FGFR3: variants seen among roughly 807,000 people sequenced by gnomAD.
FGFR3 encodes FGFR-3.
FGFR3 carries 25 observed loss-of-function variants against 82.9 expected under a neutral mutation model. The ratio of observed to expected loss-of-function variants is 0.30; its 90% CI spans 0.22 to 0.42. The LOEUF (loss-of-function observed/expected upper bound fraction) is 0.42. Among genes scored for constraint, FGFR3 ranks in the 10% least tolerant of loss-of-function variants. FGFR3 has a pLI of 1.00. For missense variants in FGFR3, 1,026 were observed against 1,161.0 expected (o/e 0.88, Z 1.69); for synonymous variants, 620 against 516.0 (o/e 1.20, Z -2.73).
Position 1,799,543 on chromosome 4 carries a change from C to T in FGFR3, c.379+20C>T. On this transcript the variant is annotated intron_variant, in intron 3 of 17. Coordinates refer to ENST00000440486, the MANE Select transcript of FGFR3 (RefSeq NM_000142.5). Reference sequence around the variant, plus strand: ...TGACAGGTGAGCTCTGGGGCCACGCCAGCTACAGAAAGGAGCCGAGTGCCG... The same window carrying T: ...TGACAGGTGAGCTCTGGGGCCACGCTAGCTACAGAAAGGAGCCGAGTGCCG... 2 of 1,550,956 alleles carry T rather than the reference C, an allele frequency of 1.3e-6. No homozygotes were observed. Among genetic ancestry groups the T allele is most frequent in the East Asian group, 2.4e-5 (1 of 41,066 alleles).
intron 2 of FGFR3, among the ~76,000 whole-genome samples, chr4:1,794,854 C>T (rs968338965): frequency 1.3e-5 from 2 of 151,604 alleles, no homozygotes; most frequent in Non-Finnish European, 2.9e-5. Context: ...CAGCTCAGCC[C>T]GGCGGCCGCG....
At chr4:1,807,054 CAG>C in intron 17 of FGFR3, 60 bp from the exon 18 acceptor site, 1 of 1,552,424 alleles carries the variant, frequency 6.4e-7, no homozygotes, top group Non-Finnish European at 8.7e-7. Context: ...AGCCTGGGCA[CAG>C]AGGTGGCTGT....
chr4:1,805,872 A>G lies in FGFR3; in HGVS notation c.1768A>G (p.Thr590Ala), dbSNP rs1000692934. Reference sequence around the variant, plus strand: ...CTGCAAGCCGCCCGAGGAGCAGCTCACCTTCAAGGACCTGGTGTCCTGTGC... The same window carrying G: ...CTGCAAGCCGCCCGAGGAGCAGCTCGCCTTCAAGGACCTGGTGTCCTGTGC... ...DTCKPPEEQL[T>A]FKDLVSCAYQ... Residue 590 changes from threonine to alanine, a missense_variant, in exon 13 of 18, where the codon ACC becomes GCC. By Grantham distance (58) the Thr-to-Ala change is moderately conservative (BLOSUM62 0). Transcript: ENST00000440486. The G allele has an allele frequency of 6.2e-7, 1 of 1,612,762 alleles. No individual in the cohort carries two copies. Among genetic ancestry groups the G allele is most frequent in the Admixed American group, 1.7e-5 (1 of 60,018 alleles).
rs530355447 is a variant in FGFR3, at chr4:1,794,202, A to T, written c.109+159A>T. 2.6e-5 allele frequency among the ~76,000 whole-genome samples: 4 copies of T among 152,246 alleles called. No homozygotes were observed. The East Asian group carries it at 7.7e-4, about 29-fold the overall frequency. ...CCTCCTTGCCGGAGAGCGCGGCCAG[A>T]GCTAGCGCGGCGACTTGTGGTGCGC... On this transcript the variant is annotated intron_variant, in intron 2 of 17. Coordinates refer to ENST00000440486, the MANE Select transcript of FGFR3 (RefSeq NM_000142.5).
In FGFR3 at chr4:1,806,882, T is replaced by G. The variant is rs768999235; in HGVS notation, c.2222T>G (p.Phe741Cys). 3 of 1,611,722 alleles carry G rather than the reference T, an allele frequency of 1.9e-6. No individual in the cohort carries two copies. In the African/African-American group the frequency reaches 4.0e-5, roughly 22 times the overall value. Residue 741 changes from phenylalanine to cysteine, a missense_variant, in exon 17 of 18, where the codon TTC becomes TGC. Phe to Cys is a radical substitution (Grantham distance 205). Coordinates refer to ENST00000440486, the MANE Select transcript of FGFR3 (RefSeq NM_000142.5). ...GCCGCGCCCTCCCAGAGGCCCACCT[T>G]CAAGCAGCTGGTGGAGGACCTGGAC... ...WHAAPSQRPT[F>C]KQLVEDLDRV...
At position 1,801,608 on chromosome 4, in the gene FGFR3, G is replaced by A. The variant is rs558077716; in HGVS notation, c.616-12G>A. On this transcript the variant is annotated splice_polypyrimidine_tract_variant and intron_variant, in intron 5 of 17. Transcript: ENST00000440486. ...TGCCTCCGCTCACTCACCCGCCCGCGTCCCGGTGCAGCTGCGGCATCAGCA... is the reference window on the plus strand; with the variant it reads ...TGCCTCCGCTCACTCACCCGCCCGCATCCCGGTGCAGCTGCGGCATCAGCA... 5.0e-6 allele frequency: 8 copies of A among 1,605,044 alleles called. No homozygotes were observed. The highest frequency in any genetic ancestry group is 3.4e-5 in the Admixed American group (2 of 59,022).
chr4:1,801,284 G>A, intron 4 of FGFR3, 83 bp from the exon 5 acceptor site: 10 of 1,444,694 alleles, frequency 6.9e-6, no homozygotes, highest in South Asian at 1.2e-5. Context: ...GGGATGGGCA[G>A]GGGCAGCTCT....
intron 2 of FGFR3, among the ~76,000 whole-genome samples, chr4:1,798,815 G>A (rs935765191): frequency 1.3e-5 from 2 of 152,170 alleles, no homozygotes; most frequent in East Asian, 3.9e-4. Flanking sequence ...GGCCAGCAAA[G>A]GGCAGCCTGT....
rs2108804767 is a variant in FGFR3 at position 1,805,849 on chromosome 4, G to A, written c.1745G>A (p.Cys582Tyr). 6.2e-7 allele frequency: 1 copy of A among 1,612,618 alleles called. No individual in the cohort carries two copies. The highest frequency in any genetic ancestry group is 8.5e-7 in the Non-Finnish European group (1 of 1,179,870). ...PPGLDYSFDTCKPPEEQLTFK... is the reference protein window; with the variant it reads ...PPGLDYSFDTYKPPEEQLTFK... The stretch of plus-strand genomic sequence containing the variant: ...GGCCTGGACTACTCCTTCGACACCT[G>A]CAAGCCGCCCGAGGAGCAGCTCACC... The change falls in exon 13 of 18, where the codon TGC becomes TAC. Residue 582 changes from cysteine to tyrosine, a missense_variant. Around this residue, in one of 9 missense-constraint regions of FGFR3, gnomAD observed 164 missense variants for 167.5 expected, o/e 0.98. Coordinates refer to ENST00000440486, the MANE Select transcript of FGFR3 (RefSeq NM_000142.5).
At position 1,804,964 on chromosome 4, in the gene FGFR3, G is replaced by A; in HGVS notation, c.1407G>A (p.Arg469=). ...LPADPKWELS[R]ARLTLGKPLG... ...CCGACCCCAAATGGGAGCTGTCTCG[G>A]GCCCGGTCAGTGGTGCTGAGGGCCA... The change falls in exon 10 of 18, where the codon CGG becomes CGA. Residue 469 remains arginine (R), a synonymous_variant. Transcript: ENST00000440486. The A allele has an allele frequency of 6.5e-7, 1 of 1,549,774 alleles. No homozygotes were observed. The highest frequency in any genetic ancestry group is 8.7e-7 in the Non-Finnish European group (1 of 1,146,548).
Position 1,808,266 on chromosome 4 carries a change from C to T in FGFR3, c.*1004C>T, listed in dbSNP as rs993881336. ...CGGCCAAGAATGTACGTCCAGCCTG[C>T]CCCGGAGCTGGAGGATCCCCTCCAA... On this transcript the variant is annotated 3_prime_UTR_variant, in exon 18 of 18. Coordinates refer to ENST00000440486, the MANE Select transcript of FGFR3 (RefSeq NM_000142.5). The T allele has an allele frequency of 1.3e-5, 3 of 232,532 alleles. No homozygotes were observed. The highest frequency in any genetic ancestry group is 2.6e-5 in the Non-Finnish European group (3 of 117,604). The allele number at this position is 232,532 out of a possible 1,614,324, so 14.4% of individuals were successfully genotyped here. A position where few individuals can be genotyped will look rare whatever the true frequency, so the allele number is the denominator to read the frequency against.
chr4:1,804,512 A>C lies in FGFR3; in HGVS notation c.1258A>C (p.Lys420Gln), dbSNP rs1721628288. 5.0e-6 allele frequency: 8 copies of C among 1,612,510 alleles called. No homozygotes were observed. In the East Asian group the frequency reaches 1.8e-4, roughly 36 times the overall value. The change falls in exon 9 of 18, where the codon AAG becomes CAG. Residue 420 changes from lysine to glutamine, a missense_variant. Around this residue, in one of 9 missense-constraint regions of FGFR3, gnomAD observed 256 missense variants for 217.6 expected, o/e 1.18. Coordinates refer to ENST00000440486, the MANE Select transcript of FGFR3 (RefSeq NM_000142.5). ...GCACAAGATCTCCCGCTTCCCGCTC[A>C]AGCGACAGGTAACAGAAAGTAGATA... Reference protein sequence around the residue: ...TVHKISRFPLKRQVSLESNAS... With the variant: ...TVHKISRFPLQRQVSLESNAS...
rs1303022894 is a variant in FGFR3 at position 1,793,987 on chromosome 4, C to T, written c.53C>T (p.Ala18Val). ...CTCTGCGTGGCCGTGGCCATCGTGG[C>T]CGGCGCCTCCTCGGAGTCCTTGGGG... ...LALCVAVAIV[A>V]GASSESLGTE... is the part of the protein sequence containing the mutation. The change falls in exon 2 of 18, where the codon GCC becomes GTC. Residue 18 changes from alanine to valine, a missense_variant. Coordinates refer to ENST00000440486, the MANE Select transcript of FGFR3 (RefSeq NM_000142.5). 3.6e-6 allele frequency: 5 copies of T among 1,385,566 alleles called. No homozygotes were observed. Among genetic ancestry groups the T allele is most frequent in the South Asian group, 1.7e-5 (1 of 58,920 alleles). The allele number at this position is 1,385,566 out of a possible 1,614,324, so 85.8% of individuals were successfully genotyped here. A position where few individuals can be genotyped will look rare whatever the true frequency, so the allele number is the denominator to read the frequency against.
At chr4:1,801,145 G>C (rs1721119976) in intron 4 of FGFR3, among the ~76,000 whole-genome samples, 1 of 152,202 alleles carries the variant, frequency 6.6e-6, no homozygotes, top group Non-Finnish European at 1.5e-5. Flanking sequence ...TCCGGGCAGA[G>C]CACCCTGGAG....
chr4:1,804,109 C>T (rs538423945), intron 8 of FGFR3, among the ~76,000 whole-genome samples: 3 of 152,226 alleles, frequency 2.0e-5, no homozygotes, highest in Non-Finnish European at 4.4e-5. Context: ...CGCCTGGTGG[C>T]GGTGTGGGAC....
At position 1,805,644 on chromosome 4, in the gene FGFR3, C is replaced by G. The variant is rs28933068; in HGVS notation, c.1620C>G (p.Asn540Lys). 1.2e-6 allele frequency: 2 copies of G among 1,613,230 alleles called. No homozygotes were observed. Among genetic ancestry groups the G allele is most frequent in the Non-Finnish European group, 8.5e-7 (1 of 1,179,754 alleles). ...TCGGGAAACACAAAAACATCATCAA[C>G]CTGCTGGGCGCCTGCACGCAGGGCG... ...KMIGKHKNIINLLGACTQGGP... is the reference protein window; with the variant it reads ...KMIGKHKNIIKLLGACTQGGP... Residue 540 changes from asparagine (N) to lysine (K), a missense_variant, in exon 12 of 18, where the codon AAC becomes AAG. Around this residue, in one of 9 missense-constraint regions of FGFR3, gnomAD observed 164 missense variants for 167.5 expected, o/e 0.98. Transcript: ENST00000440486.
In FGFR3 at chr4:1,805,548, T is replaced by C. The variant is rs1405245032; in HGVS notation, c.1535-11T>C. On this transcript the variant is annotated splice_polypyrimidine_tract_variant and intron_variant, in intron 11 of 17. Coordinates refer to ENST00000440486, the MANE Select transcript of FGFR3 (RefSeq NM_000142.5). ...CCGCCGCCTGACACAGGCCCCCCGCTCCGTGCACAGACGATGCCACTGACA... is the reference window on the plus strand; with the variant it reads ...CCGCCGCCTGACACAGGCCCCCCGCCCCGTGCACAGACGATGCCACTGACA... 1 of 1,612,938 alleles carries C rather than the reference T, an allele frequency of 6.2e-7. No homozygotes were observed. The highest frequency in any genetic ancestry group is 1.7e-5 in the Admixed American group (1 of 60,024).
chr4:1,805,698 C>G (rs2108803929), intron 12 of FGFR3, 29 bp downstream of exon 12: 1 of 1,611,294 alleles, frequency 6.2e-7, no homozygotes, highest in Non-Finnish European at 8.5e-7. Context: ...GTGGTGCCGG[C>G]TGGGCGGCCC....
chr4:1,793,449 G>C lies in FGFR3; in HGVS notation c.-119G>C, dbSNP rs1417632870. The C allele has an allele frequency of 6.7e-6, 1 of 149,298 alleles. No homozygotes were observed. Among genetic ancestry groups the C allele is most frequent in the Non-Finnish European group, 1.5e-5 (1 of 66,684 alleles). 9.2% of individuals were successfully genotyped at this position (149,298 alleles called of 1,614,324 possible). A position where few individuals can be genotyped will look rare whatever the true frequency, so the allele number is the denominator to read the frequency against. On this transcript the variant is annotated 5_prime_UTR_variant, in exon 1 of 18. Coordinates refer to ENST00000440486, the MANE Select transcript of FGFR3 (RefSeq NM_000142.5). ...GCGGGAGCCGCGCGTAGCGAGCCGG[G>C]CTCCGGCGCTCGCCAGGTCCGTGCT...
Sources: allele counts gnomAD v4.1 joint callset (sites outside exome capture counted in the v4.1 genomes callset), GRCh38; gene constraint gnomAD v4.1.1; regional missense constraint gnomAD v4.1.1; transcripts MANE v1.5; gene names NCBI Gene and HGNC (gene_info 2026-07-23, HGNC 2026-07-21).